The following TMEM184C variants were observed in gnomAD, a reference collection of about 807,000 sequenced individuals.
The protein encoded by TMEM184C is transmembrane protein 34.
TMEM184C carries 25 observed loss-of-function variants against 54.5 expected under a neutral mutation model. The ratio of observed to expected loss-of-function variants is 0.46; its 90% CI spans 0.33 to 0.64. The LOEUF (loss-of-function observed/expected upper bound fraction) is 0.64, where lower values mean the gene tolerates loss of function less well. Ranked by LOEUF, TMEM184C falls within the 30% of genes least tolerant of loss-of-function variation. TMEM184C has a pLI of 0.02. For synonymous variants in TMEM184C, 148 were observed against 181.5 expected, an observed-to-expected ratio of 0.82 and a Z score of 1.49; for missense variants, 335 against 520.3, an observed-to-expected ratio of 0.64 and a Z score of 3.46.
intron 4 of TMEM184C, among the ~76,000 whole-genome samples, chr4:147,627,501 C>G (rs571680802): frequency 6.6e-6 from 1 of 152,226 alleles, no homozygotes; most frequent in African/African-American, 2.4e-5. Context: ...CCAGGCTGCT[C>G]TCAAGTGATC....
chr4:147,627,230 A>C (rs1578859717), intron 4 of TMEM184C, among the ~76,000 whole-genome samples: 2 of 152,224 alleles, frequency 1.3e-5, no homozygotes, highest in African/African-American at 2.4e-5. Flanking sequence ...AGTCTTTGTC[A>C]AATGAGAAAC....
chr4:147,628,370 G>A lies in TMEM184C; in HGVS notation c.507G>A (p.Leu169=). ...CPPWAMGEVL[L]FRCKLGVLQY... is the part of the protein sequence containing the mutation. ...TCTTTTTCTTTTGCAGAGTATTGCT[G>A]TTTAGGTGCAAACTAGGTGTATTAC... The change falls in exon 5 of 10, where the codon CTG becomes CTA. Residue 169 remains leucine, a synonymous_variant. Coordinates refer to ENST00000296582, the MANE Select transcript of TMEM184C (RefSeq NM_018241.3). The A allele has an allele frequency of 6.2e-7, 1 of 1,612,330 alleles. No individual in the cohort carries two copies. Among genetic ancestry groups the A allele is most frequent in the Non-Finnish European group, 8.5e-7 (1 of 1,179,574 alleles).
At chr4:147,626,324 GT>G (rs560947886) in intron 4 of TMEM184C, among the ~76,000 whole-genome samples, 9 of 152,320 alleles carry the variant, frequency 5.9e-5, no homozygotes, top group African/African-American at 2.2e-4. Context: ...CTCAAAGTTA[GT>G]TCAGCCTACG....
chr4:147,618,117 T>A (rs144669401), intron 1 of TMEM184C, 38 bp downstream of exon 1: 501 of 1,612,190 alleles, frequency 3.1e-4, no homozygotes, highest in African/African-American at 1.6e-3. Context: ...TACACTTTCT[T>A]CTACCCATCT....
intron 8 of TMEM184C, 40 bp downstream of exon 8, chr4:147,633,042 T>C (rs111228261): frequency 4.5e-6 from 7 of 1,556,094 alleles, no homozygotes. Flanking sequence ...AACTTTACTA[T>C]TTGTTAAGCA....
chr4:147,626,361 G>A (rs1732815889), intron 4 of TMEM184C, among the ~76,000 whole-genome samples: 1 of 152,174 alleles, frequency 6.6e-6, no homozygotes, highest in Non-Finnish European at 1.5e-5. Flanking sequence ...GGACAGCTTG[G>A]AGGTTAGACA....
At chr4:147,621,794 C>T (rs1732714319) in intron 1 of TMEM184C, among the ~76,000 whole-genome samples, 1 of 152,048 alleles carries the variant, frequency 6.6e-6, no homozygotes, top group Non-Finnish European at 1.5e-5. Flanking sequence ...GTGACCAAGT[C>T]TCTAGTCACT....
chr4:147,630,001 C>A, intron 6 of TMEM184C, among the ~76,000 whole-genome samples: 1 of 150,390 alleles, frequency 6.6e-6, no homozygotes, highest in African/African-American at 2.4e-5. Context: ...AAGCACAGTG[C>A]TACATAAAAA....
intron 5 of TMEM184C, 24 bp from the exon 6 acceptor site, chr4:147,629,575 A>T (rs531243381): frequency 1.4e-5 from 22 of 1,542,092 alleles, no homozygotes; most frequent in African/African-American, 1.2e-4. Context: ...TTAATCAGAG[A>T]TATCTCATTT....
chr4:147,632,982 G>A lies in TMEM184C; in HGVS notation c.859G>A (p.Ala287Thr), dbSNP rs1732943609. 1 of 1,613,894 alleles carries A rather than the reference G, an allele frequency of 6.2e-7. No individual in the cohort carries two copies. Among genetic ancestry groups the A allele is most frequent in the South Asian group, 1.1e-5 (1 of 91,056 alleles). ...TACGTGGGAATGGCAAACTGTAGAA[G>A]CTGTGGCCACCGGACTCCAGGTAAG... is the stretch of plus-strand genomic sequence containing the variant. ...KHTWEWQTVE[A>T]VATGLQDFII... The change falls in exon 8 of 10, where the codon GCT becomes ACT. Residue 287 changes from alanine to threonine, a missense_variant. Coordinates refer to ENST00000296582, the MANE Select transcript of TMEM184C (RefSeq NM_018241.3).
At position 147,635,839 on chromosome 4, in the gene TMEM184C, C is replaced by CATAA. The variant is rs1733026169; in HGVS notation, c.*1410_*1413dup. 1 of 151,968 alleles carries CATAA rather than the reference C, an allele frequency of 6.6e-6. No individual in the cohort carries two copies. The highest frequency in any genetic ancestry group is 1.5e-5 in the Non-Finnish European group (1 of 67,970). The allele number at this position is 151,968 out of a possible 1,614,324, so 9.4% of individuals were successfully genotyped here. The stretch of plus-strand genomic sequence containing the variant: ...TACAAAAAGCATTAGCATTTTTATA[C>CATAA]ATAAATAATGAAAATAATGACCTAA... On this transcript the variant is annotated 3_prime_UTR_variant, in exon 10 of 10. Coordinates refer to ENST00000296582, the MANE Select transcript of TMEM184C (RefSeq NM_018241.3).
At chr4:147,618,108 A>G in intron 1 of TMEM184C, 29 bp downstream of exon 1, 1 of 1,613,254 alleles carries the variant, frequency 6.2e-7, no homozygotes, top group South Asian at 1.1e-5. Flanking sequence ...ATCAGCCTGT[A>G]CACTTTCTTC....
chr4:147,634,134 A>G (rs1176526835), intron 9 of TMEM184C, 35 bp from the exon 10 acceptor site: 5 of 1,588,144 alleles, frequency 3.1e-6, no homozygotes, highest in East Asian at 4.5e-5. Flanking sequence ...AATGGTAAAA[A>G]TAACTTTTGA....
At chr4:147,623,554 TA>T (rs772418583) in intron 1 of TMEM184C, among the ~76,000 whole-genome samples, 195 of 139,738 alleles carry the variant, frequency 1.4e-3, no homozygotes, top group Non-Finnish European at 1.3e-3. Context: ...CTTTTCCCCT[TA>T]AAAAAAAAAA....
At chr4:147,629,496 G>C in intron 5 of TMEM184C, 103 bp from the exon 6 acceptor site, 2 of 778,896 alleles carry the variant, frequency 2.6e-6, no homozygotes, top group Non-Finnish European at 4.1e-6. Flanking sequence ...GATTGTCAGT[G>C]AGATCTCAAA....
chr4:147,631,018 G>A (rs1732906930), intron 6 of TMEM184C, among the ~76,000 whole-genome samples: 1 of 152,014 alleles, frequency 6.6e-6, no homozygotes, highest in African/African-American at 2.4e-5. Flanking sequence ...TAGTTACATA[G>A]GATAGACTAG....
intron 4 of TMEM184C, among the ~76,000 whole-genome samples, chr4:147,625,678 G>T (rs1732801756): frequency 6.6e-6 from 1 of 152,130 alleles, no homozygotes; most frequent in African/African-American, 2.4e-5. Context: ...AAATAAAACT[G>T]AAAAGGGGGA....
rs1732764323 is a variant in TMEM184C at position 147,624,023 on chromosome 4, C to T, written c.255-39C>T. On this transcript the variant is annotated intron_variant, in intron 2 of 9. Transcript: ENST00000296582. Reference sequence around the variant, plus strand: ...GTGTTGGCTTATTTCATAAATATGACATAAAATGTTTTAAATTTCTGTTTT... The same window carrying T: ...GTGTTGGCTTATTTCATAAATATGATATAAAATGTTTTAAATTTCTGTTTT... 7 of 1,609,002 alleles carry T rather than the reference C, an allele frequency of 4.4e-6. No homozygotes were observed. In the East Asian group the frequency reaches 1.3e-4, roughly 31 times the overall value.
In TMEM184C at chr4:147,634,370, A is replaced by C. The variant is rs1732973692; in HGVS notation, c.1253A>C (p.Asp418Ala). ...ACACCTACCACAGCTAAGATATCTG[A>C]TGAAATCCTTAGTGATACTATAGGA... ...QTTPTTAKIS[D>A]EILSDTIGEK... Residue 418 changes from aspartate (D) to alanine (A), a missense_variant, in exon 10 of 10, where the codon GAT becomes GCT. By Grantham distance (126) the Asp-to-Ala change is moderately radical. Coordinates refer to ENST00000296582, the MANE Select transcript of TMEM184C (RefSeq NM_018241.3). 6.2e-7 allele frequency: 1 copy of C among 1,614,074 alleles called. No homozygotes were observed. The highest frequency in any genetic ancestry group is 1.3e-5 in the African/African-American group (1 of 74,940).
Sources: gnomAD v4.1 joint callset for allele counts (sites outside exome capture counted in the v4.1 genomes callset) on GRCh38, gnomAD v4.1.1 for gene constraint, MANE v1.5 for transcripts, NCBI Gene and HGNC (gene_info 2026-07-23, HGNC 2026-07-21) for gene names.